The following TMEM128 variants were observed in gnomAD, a reference collection of about 807,000 sequenced individuals.
TMEM128 encodes transmembrane protein 128.
A neutral mutation model predicts 19.7 loss-of-function variants in TMEM128; 16 were observed. That is an observed-to-expected ratio of 0.81 (90% confidence interval 0.55 to 1.23). TMEM128 has a LOEUF of 1.23. Ranked by LOEUF, TMEM128 falls within the 50% of genes most tolerant of loss-of-function variation. The pLI, the probability that TMEM128 is intolerant of heterozygous loss-of-function variation, is 0.00. For missense variants in TMEM128, 237 were observed against 200.8 expected, an observed-to-expected ratio of 1.18 and a Z score of -1.09; for synonymous variants, 98 against 75.8, an observed-to-expected ratio of 1.29 and a Z score of -1.52.
rs202215273 is a variant in TMEM128, at chr4:4,237,862, C to A, written c.472G>T (p.Val158Phe). 6.2e-7 allele frequency: 1 copy of A among 1,610,878 alleles called. No homozygotes were observed. The highest frequency in any genetic ancestry group is 1.1e-5 in the South Asian group (1 of 90,894). ...LLLFTQFMGV[V>F]MFITLLG ...CATCCAAGGAGTGTGATAAACATGA[C>A]AACCCCCATAAACTGGGTAAACAAC... The change falls in exon 4 of 5, where the codon GTC becomes TTC. Residue 158 changes from valine (V) to phenylalanine (F), a missense_variant. Val to Phe is a conservative substitution (Grantham distance 50, BLOSUM62 -1). Coordinates refer to ENST00000382753, the MANE Select transcript of TMEM128 (RefSeq NM_001297551.2).
At chr4:4,244,092 C>T (rs898337694) in intron 2 of TMEM128, among the ~76,000 whole-genome samples, 7 of 152,158 alleles carry the variant, frequency 4.6e-5, no homozygotes, top group African/African-American at 1.7e-4. Context: ...GCACCTTCCA[C>T]GTGTTTGGCA....
chr4:4,239,484 T>C (rs1421109322), intron 3 of TMEM128, among the ~76,000 whole-genome samples: 3 of 152,206 alleles, frequency 2.0e-5, no homozygotes, highest in Admixed American at 6.5e-5. Flanking sequence ...TTGGCATGAT[T>C]TACTGAAGTC....
At chr4:4,247,578 G>A in intron 1 of TMEM128, 1 of 1,614,128 alleles carries the variant, frequency 6.2e-7, no homozygotes, top group South Asian at 1.1e-5. Context: ...TGCATTCACA[G>A]GTGAACATAC....
At chr4:4,242,226 A>C (rs1717986926) in intron 2 of TMEM128, among the ~76,000 whole-genome samples, 1 of 152,098 alleles carries the variant, frequency 6.6e-6, no homozygotes, top group South Asian at 2.1e-4. Context: ...AGTTATATCT[A>C]TGAGGAAAAA....
In TMEM128 at chr4:4,235,557, TTTTA is replaced by T. The variant is rs1057076232; in HGVS notation, c.*705_*708del. On this transcript the variant is annotated 3_prime_UTR_variant, in exon 5 of 5. Transcript: ENST00000382753. ...AACTCACAAGAAAGTTATAAAAATA[TTTTA>T]TTTAAATGATACAGAAAAAAATGTA... 6.6e-6 allele frequency: 1 copy of T among 152,572 alleles called. No homozygotes were observed. The highest frequency in any genetic ancestry group is 2.4e-5 in the African/African-American group (1 of 41,448). The allele number at this position is 152,572 out of a possible 1,614,324, so 9.5% of individuals were successfully genotyped here.
rs776156384 is a variant in TMEM128 at position 4,248,137 on chromosome 4, G to A, written c.66C>T (p.Ala22=). 6.5e-7 allele frequency: 1 copy of A among 1,534,460 alleles called. No homozygotes were observed. The highest frequency in any genetic ancestry group is 8.8e-7 in the Non-Finnish European group (1 of 1,142,626). The change falls in exon 1 of 5, where the codon GCC becomes GCT. Residue 22 remains alanine (A), a synonymous_variant. Coordinates refer to ENST00000382753, the MANE Select transcript of TMEM128 (RefSeq NM_001297551.2). Reference sequence around the variant, plus strand: ...CGGCGTCACCCTCGCGGTCCAGCTGGGCCTCGGCGTCCGGCAGGAGGAGGA... The same window carrying A: ...CGGCGTCACCCTCGCGGTCCAGCTGAGCCTCGGCGTCCGGCAGGAGGAGGA... ...RRFLLLPDAE[A]QLDREGDAGP... is the part of the protein sequence containing the mutation.
intron 1 of TMEM128, among the ~76,000 whole-genome samples, chr4:4,246,834 G>C (rs542955774): frequency 1.3e-5 from 2 of 151,640 alleles, no homozygotes; most frequent in Non-Finnish European, 2.9e-5. Context: ...TGCAACCACC[G>C]CCTCCCGGGT....
At chr4:4,242,870 G>A (rs7657864) in intron 2 of TMEM128, among the ~76,000 whole-genome samples, 46,999 of 151,840 alleles carry the variant, frequency 0.31, 7,892 homozygotes, top group East Asian at 0.46. Context: ...TCAGTCAGTG[G>A]TCCTCGGCCC....
chr4:4,240,605 T>C, intron 2 of TMEM128, 126 bp from the exon 3 acceptor site: 1 of 1,040,444 alleles, frequency 9.6e-7, no homozygotes, highest in Non-Finnish European at 1.4e-6. Context: ...GGAGCCATAC[T>C]TAAACAATCC....
intron 1 of TMEM128, 164 bp downstream of exon 1, chr4:4,247,942 C>T (rs1283769220): frequency 1.7e-5 from 24 of 1,430,870 alleles, no homozygotes; most frequent in Admixed American, 2.9e-5. Flanking sequence ...GCTGAAATGA[C>T]GATGCACAGC....
chr4:4,241,224 G>T (rs1717946958), intron 2 of TMEM128, among the ~76,000 whole-genome samples: 1 of 152,176 alleles, frequency 6.6e-6, no homozygotes, highest in African/African-American at 2.4e-5. Flanking sequence ...GACTTTCTTG[G>T]AATACTGAAA....
At chr4:4,238,900 A>G (rs3116063) in intron 3 of TMEM128, among the ~76,000 whole-genome samples, 43,161 of 151,920 alleles carry the variant, frequency 0.28, 7,581 homozygotes, top group African/African-American at 0.48. Context: ...AGATGTGGTG[A>G]CACATGCCTG....
At position 4,240,406 on chromosome 4, in the gene TMEM128, A is replaced by G. The variant is rs915091139; in HGVS notation, c.313T>C (p.Trp105Arg). 2 of 1,614,170 alleles carry G rather than the reference A, an allele frequency of 1.2e-6. No homozygotes were observed. ...IAFYCIVYLE[W>R]YCGIGEYDVK... ...TCATATTCTCCAATTCCACAATACC[A>G]TTCCAGGTAGACTATGCAGTAAAAT... Residue 105 changes from tryptophan (W) to arginine (R), a missense_variant, in exon 3 of 5, where the codon TGG becomes CGG. Transcript: ENST00000382753.
chr4:4,246,179 A>G (rs1363191047), intron 2 of TMEM128, 23 bp downstream of exon 2: 2 of 1,575,494 alleles, frequency 1.3e-6, no homozygotes, highest in Non-Finnish European at 1.7e-6. Flanking sequence ...GGTTTAATTT[A>G]CAAAGCAATA....
intron 2 of TMEM128, among the ~76,000 whole-genome samples, chr4:4,242,580 A>G (rs2980107): frequency 0.1 from 15,056 of 151,292 alleles, 1,860 homozygotes; most frequent in African/African-American, 0.28. Flanking sequence ...GTGCAATGGC[A>G]CGATCTCGGC....
intron 1 of TMEM128, chr4:4,247,671 C>T (rs1331619963): frequency 6.2e-7 from 1 of 1,613,900 alleles, no homozygotes; most frequent in East Asian, 2.2e-5. Context: ...CCCATTGGTA[C>T]ATACGAGTCG....
At position 4,239,792 on chromosome 4, in the gene TMEM128, T is replaced by C. The variant is rs182727290; in HGVS notation, c.398+529A>G. Among the ~76,000 whole-genome samples, 13 of 152,302 alleles carry C rather than the reference T, an allele frequency of 8.5e-5. No homozygotes were observed. In the East Asian group the frequency reaches 2.1e-3, roughly 25 times the overall value. On this transcript the variant is annotated intron_variant, in intron 3 of 4. Coordinates refer to ENST00000382753, the MANE Select transcript of TMEM128 (RefSeq NM_001297551.2). ...ACAATGCTGCACACAGCCAGCTCAATGTGAAGGAATACACCCTGTACAAAT... is the reference window on the plus strand; with the variant it reads ...ACAATGCTGCACACAGCCAGCTCAACGTGAAGGAATACACCCTGTACAAAT...
chr4:4,237,678 A>G (rs2108814327), intron 4 of TMEM128, 149 bp downstream of exon 4: 1 of 548,196 alleles, frequency 1.8e-6, no homozygotes, highest in East Asian at 3.3e-5. Flanking sequence ...AGTTCAATGA[A>G]TGGATAATTC....
Position 4,246,237 on chromosome 4 carries a change from G to A in TMEM128, c.204C>T (p.Phe68=), listed in dbSNP as rs1200448567. The A allele has an allele frequency of 3.1e-6, 5 of 1,610,220 alleles. No homozygotes were observed. Among genetic ancestry groups the A allele is most frequent in the South Asian group, 1.1e-5 (1 of 89,876 alleles). Residue 68 remains phenylalanine, a synonymous_variant, in exon 2 of 5, where the codon TTC becomes TTT. Transcript: ENST00000382753. ...ASIVVTYYVD[F]FKTLKENFHT... ...GGAAGTTTTCTTTAAGGGTTTTAAA[G>A]AAGTCAACATAATAGGTCACAACAA...
Sources: allele counts gnomAD v4.1 joint callset (sites outside exome capture counted in the v4.1 genomes callset), GRCh38; gene constraint gnomAD v4.1.1; transcripts MANE v1.5; gene names NCBI Gene and HGNC (gene_info 2026-07-23, HGNC 2026-07-21).